The following PCDH11X variants were observed in gnomAD, a reference collection of about 807,000 sequenced individuals.
PCDH11X encodes protocadherin 11 X-linked.
Under a neutral mutation model 53.3 loss-of-function variants are expected in PCDH11X, and 18 were observed. The ratio of observed to expected loss-of-function variants is 0.34; its 90% CI spans 0.23 to 0.50. The LOEUF is 0.50. PCDH11X is among the 20% of genes least tolerant of loss of function. The pLI is 0.98. For missense variants in PCDH11X, 570 were observed against 1,032.4 expected, an observed-to-expected ratio of 0.55 and a Z score of 6.14; for synonymous variants, 279 against 393.3, an observed-to-expected ratio of 0.71 and a Z score of 3.44.
chrX:92,460,229 T>C lies in PCDH11X; in HGVS notation c.3344-8070T>C, dbSNP rs764078737. ...GACATCCATGGGCTCCGCAAGGTCA[T>C]TGATGACACCAATGTCACTTGACTG... On this transcript the variant is annotated intron_variant, in intron 9 of 10. Coordinates refer to ENST00000682573, the MANE Select transcript of PCDH11X (RefSeq NM_032968.5). 1.6e-4 allele frequency: 145 copies of C among 903,926 alleles called. 2 individuals are homozygous for C. The South Asian group carries it at 2.7e-3, about 17-fold the overall frequency. The allele number at this position is 903,926 out of a possible 1,213,427, so 74.5% of individuals were successfully genotyped here.
At chrX:92,444,332 T>C in intron 9 of PCDH11X, among the ~76,000 whole-genome samples, 1 of 107,105 alleles carries the variant, frequency 9.3e-6, no homozygotes. Flanking sequence ...TCAGCTTGAA[T>C]GTTTTTTTGG....
chrX:92,502,332 C>T (rs1365964993), intron 10 of PCDH11X, among the ~76,000 whole-genome samples: 1 of 105,576 alleles, frequency 9.5e-6, no homozygotes, highest in Non-Finnish European at 1.9e-5. Context: ...TCCCATTAAA[C>T]TACCATTGAC....
intron 1 of PCDH11X, among the ~76,000 whole-genome samples, chrX:91,783,577 C>A (rs1484495431): frequency 2.7e-5 from 3 of 111,651 alleles, no homozygotes; most frequent in Admixed American, 9.5e-5. Flanking sequence ...GCAGAAAATT[C>A]TTTTTCTCTG....
intron 10 of PCDH11X, among the ~76,000 whole-genome samples, chrX:92,569,067 A>G (rs1051512866): frequency 2.7e-4 from 30 of 111,515 alleles, no homozygotes; most frequent in African/African-American, 8.1e-4. Flanking sequence ...AATTTAAAGG[A>G]AAGAGTTGAT....
chrX:92,411,907 AGTGGGAGGAGGAGGAGTGGGAGGAGGAG>A (rs2071660367), intron 9 of PCDH11X, among the ~76,000 whole-genome samples: 8 of 57,757 alleles, frequency 1.4e-4, no homozygotes, highest in Non-Finnish European at 2.3e-4. Context: ...AGGGAAGAGG[AGTGGGAGGAGGAGGAGTGGGAGGAGGAG>A]GGGGGAGGAG....
Position 92,620,676 on chromosome X carries a change from A to G in PCDH11X, c.*1736A>G, listed in dbSNP as rs1409027585. On this transcript the variant is annotated 3_prime_UTR_variant, in exon 11 of 11. Coordinates refer to ENST00000682573, the MANE Select transcript of PCDH11X (RefSeq NM_032968.5). Reference sequence around the variant, plus strand: ...TTTTCATGTGCCCAGCAGGTTAAGTAGCGTTTTCAGAATATACATTATTCC... The same window carrying G: ...TTTTCATGTGCCCAGCAGGTTAAGTGGCGTTTTCAGAATATACATTATTCC... The G allele has an allele frequency of 9.0e-6, 1 of 111,486 alleles. No individual in the cohort carries two copies. The highest frequency in any genetic ancestry group is 1.9e-5 in the Non-Finnish European group (1 of 53,001). The allele number at this position is 111,486 out of a possible 1,213,427, so 9.2% of individuals were successfully genotyped here.
chrX:91,983,003 G>T, intron 6 of PCDH11X: 1 of 1,182,473 alleles, frequency 8.5e-7, no homozygotes, highest in Non-Finnish European at 1.1e-6. Context: ...CTGCAAAGTT[G>T]CTCTGGGTCA....
intron 10 of PCDH11X, among the ~76,000 whole-genome samples, chrX:92,508,331 C>A (rs1322695857): frequency 9.1e-6 from 1 of 109,681 alleles, no homozygotes; most frequent in Non-Finnish European, 1.9e-5. Flanking sequence ...TCAAGTGATT[C>A]TTTGCCTCAG....
intron 8 of PCDH11X, among the ~76,000 whole-genome samples, chrX:92,320,794 A>C (rs1039193982): frequency 3.6e-5 from 4 of 111,496 alleles, no homozygotes; most frequent in African/African-American, 1.3e-4. Context: ...AGGCACTTTA[A>C]AGAAGAGGGA....
chrX:91,984,582 CCA>C lies in PCDH11X; in HGVS notation c.3033+105311_3033+105312del, dbSNP rs1464474461. On this transcript the variant is annotated intron_variant, in intron 6 of 10. Transcript: ENST00000682573. ...TCCTCCTAGACAAGTTTTGAGTTTA[CCA>C]CTGCTAAGGCAACCTGGGAGTATTA... Among the ~76,000 whole-genome samples the C allele has an allele frequency of 2.8e-4, 31 of 110,257 alleles. No homozygotes were observed. The East Asian group carries it at 4.9e-3, about 17-fold the overall frequency.
Position 92,578,190 on chromosome X carries a change from T to A in PCDH11X, c.3368-40074T>A, listed in dbSNP as rs565396884. Among the ~76,000 whole-genome samples, 50 of 93,168 alleles carry A rather than the reference T, an allele frequency of 5.4e-4. No individual in the cohort carries two copies. The South Asian group carries it at 0.022, about 42-fold the overall frequency. 80.9% of individuals were successfully genotyped at this position (93,168 alleles called of 115,157 possible). A position where few individuals can be genotyped will look rare whatever the true frequency, so the allele number is the denominator to read the frequency against. On this transcript the variant is annotated intron_variant, in intron 10 of 10. Coordinates refer to ENST00000682573, the MANE Select transcript of PCDH11X (RefSeq NM_032968.5). ...ACACATGGACACAGGGAGGGGAACA[T>A]CACACACTGAGGTCTATTGGGGGAT...
At chrX:92,379,413 C>T (rs1349236302) in intron 8 of PCDH11X, among the ~76,000 whole-genome samples, 1 of 112,853 alleles carries the variant, frequency 8.9e-6, no homozygotes, top group East Asian at 2.8e-4. Context: ...CTTTGACCAC[C>T]CACAAACAAG....
chrX:91,892,140 T>C (rs150329086), intron 6 of PCDH11X, among the ~76,000 whole-genome samples: 2,357 of 107,345 alleles, frequency 0.022, 77 homozygotes, highest in African/African-American at 0.076. Flanking sequence ...GGAAGCATCC[T>C]AAAGTCAGCA....
chrX:92,618,499 G>A lies in PCDH11X; in HGVS notation c.3603G>A (p.Val1201=), dbSNP rs1928240411. The change falls in exon 11 of 11, where the codon GTG becomes GTA. Residue 1201 remains valine (V), a synonymous_variant. Coordinates refer to ENST00000682573, the MANE Select transcript of PCDH11X (RefSeq NM_032968.5). Reference sequence around the variant, plus strand: ...TTGCTCTCTGCCACAGCCCTCCAGTGACACAGACCATCGCATTGTGCCACA... The same window carrying A: ...TTGCTCTCTGCCACAGCCCTCCAGTAACACAGACCATCGCATTGTGCCACA... ...QTIALCHSPP[V]TQTIALCHSP... The A allele has an allele frequency of 1.7e-6, 2 of 1,209,485 alleles. No homozygotes were observed. Among genetic ancestry groups the A allele is most frequent in the Admixed American group, 2.2e-5 (1 of 45,718 alleles).
chrX:91,970,260 A>G (rs1170866560), intron 6 of PCDH11X, among the ~76,000 whole-genome samples: 2 of 111,408 alleles, frequency 1.8e-5, no homozygotes, highest in Admixed American at 9.5e-5. Context: ...AGGGGACCTG[A>G]GCGGGTTGCC....
At chrX:91,818,698 CAAAAA>C (rs71845262) in intron 4 of PCDH11X, among the ~76,000 whole-genome samples, 13,125 of 96,059 alleles carry the variant, frequency 0.14, 2,016 homozygotes, top group African/African-American at 0.45. Flanking sequence ...GACTCTATCT[CAAAAA>C]AAAAAAAAAT....
intron 8 of PCDH11X, among the ~76,000 whole-genome samples, chrX:92,339,732 C>T (rs1231649392): frequency 1.8e-5 from 2 of 108,215 alleles, no homozygotes; most frequent in Admixed American, 2.0e-4. Context: ...GATCCAGTCA[C>T]CTCCCACCAG....
In PCDH11X at chrX:92,474,982, G is replaced by A. The variant is rs374629482; in HGVS notation, c.3367+6660G>A. On this transcript the variant is annotated intron_variant, in intron 10 of 10. Coordinates refer to ENST00000682573, the MANE Select transcript of PCDH11X (RefSeq NM_032968.5). ...AGATCGAGACCATCCCGGCTAAGAC[G>A]GTGAAACCCCGTCTCTACTAAAAAT... is the stretch of plus-strand genomic sequence containing the variant. Among the ~76,000 whole-genome samples the A allele has an allele frequency of 8.8e-3, 916 of 103,580 alleles. 12 individuals carry two copies. The highest frequency in any genetic ancestry group is 0.03 in the Middle Eastern group (6 of 203). 89.9% of individuals were successfully genotyped at this position (103,580 alleles called of 115,157 possible). A position where few individuals can be genotyped will look rare whatever the true frequency, so the allele number is the denominator to read the frequency against.
At chrX:92,213,922 C>T (rs1050812283) in intron 7 of PCDH11X, among the ~76,000 whole-genome samples, 13 of 111,889 alleles carry the variant, frequency 1.2e-4, no homozygotes, top group Non-Finnish European at 2.4e-4. Context: ...GGTGAATATA[C>T]TTCTATCATA....
Sources: allele counts gnomAD v4.1 joint callset (sites outside exome capture counted in the v4.1 genomes callset), GRCh38; gene constraint gnomAD v4.1.1; transcripts MANE v1.5; gene names NCBI Gene and HGNC (gene_info 2026-07-23, HGNC 2026-07-21).